SLC38A8: variants seen among roughly 807,000 people sequenced by gnomAD.
SLC38A8 encodes solute carrier family 38 member 8, also known as amino acid transporter SLC38A8.
Under a neutral mutation model 46.0 loss-of-function variants are expected in SLC38A8, and 65 were observed. The observed-to-expected ratio is 1.41, with a 90% CI of 1.16 to 1.74. The LOEUF is 1.74. Among genes scored for constraint, SLC38A8 ranks in the 40% most tolerant of loss-of-function variants. SLC38A8 has a pLI of 0.00. For synonymous variants in SLC38A8, 447 were observed against 243.7 expected (o/e 1.83, Z -7.77); for missense variants, 998 against 567.9 (o/e 1.76, Z -7.70).
intron 6 of SLC38A8, among the ~76,000 whole-genome samples, chr16:84,024,059 G>T (rs146934225): frequency 2.6e-5 from 4 of 152,228 alleles, no homozygotes; most frequent in African/African-American, 4.8e-5. Context: ...TGGGGGTGTT[G>T]TGCAGTGTCC....
intron 9 of SLC38A8, among the ~76,000 whole-genome samples, chr16:84,015,474 T>A (rs1388492400): frequency 6.6e-6 from 1 of 152,034 alleles, no homozygotes; most frequent in Non-Finnish European, 1.5e-5. Flanking sequence ...ACGATTTTCT[T>A]TTTTTAATAA....
intron 9 of SLC38A8, among the ~76,000 whole-genome samples, chr16:84,015,597 C>G (rs775283541): frequency 7.2e-5 from 11 of 151,892 alleles, no homozygotes; most frequent in Non-Finnish European, 1.5e-4. Context: ...GGGCCTCGGT[C>G]TTCGCATCTA....
At chr16:84,022,275 G>A (rs1237298742) in intron 7 of SLC38A8, among the ~76,000 whole-genome samples, 1 of 152,238 alleles carries the variant, frequency 6.6e-6, no homozygotes, top group Non-Finnish European at 1.5e-5. Flanking sequence ...ACCTGGGACT[G>A]TCCTTCCAAT....
chr16:84,024,483 T>C (rs1356023951), intron 6 of SLC38A8, among the ~76,000 whole-genome samples: 1 of 151,824 alleles, frequency 6.6e-6, no homozygotes, highest in Non-Finnish European at 1.5e-5. Context: ...CCAAGGGGGA[T>C]AAGAATTTTA....
chr16:84,030,399 G>C (rs578097705), intron 5 of SLC38A8, among the ~76,000 whole-genome samples: 1 of 152,086 alleles, frequency 6.6e-6, no homozygotes. Context: ...CACCGGCTCA[G>C]TGTACAGATC....
rs191100538 is a variant in SLC38A8 at position 84,020,689 on chromosome 16, T to C, written c.805+2086A>G. On this transcript the variant is annotated intron_variant, in intron 7 of 10. Coordinates refer to ENST00000299709, the MANE Select transcript of SLC38A8 (RefSeq NM_001080442.3). Reference sequence around the variant, plus strand: ...CGTAGGATAGCCTGTGGAGGCACCCTGGGTCTGTCCCCAAAACCATCCTGC... The same window carrying C: ...CGTAGGATAGCCTGTGGAGGCACCCCGGGTCTGTCCCCAAAACCATCCTGC... Among the ~76,000 whole-genome samples the C allele has an allele frequency of 3.3e-3, 509 of 152,294 alleles. 7 individuals carry two copies. The highest frequency in any genetic ancestry group is 0.012 in the African/African-American group (496 of 41,576).
intron 3 of SLC38A8, among the ~76,000 whole-genome samples, chr16:84,035,826 C>T (rs78110848): frequency 0.057 from 8,743 of 152,316 alleles, 368 homozygotes; most frequent in Non-Finnish European, 0.088. Context: ...AATCTGCAAT[C>T]GCAGCTGGCG....
chr16:84,025,829 C>T (rs891160701), intron 6 of SLC38A8, among the ~76,000 whole-genome samples: 6 of 152,360 alleles, frequency 3.9e-5, no homozygotes, highest in Middle Eastern at 3.4e-3. Context: ...CTTCCGCTGG[C>T]GCGTTGACCT....
intron 9 of SLC38A8, 57 bp from the exon 10 acceptor site, chr16:84,013,109 A>G (rs2084973901): frequency 6.2e-7 from 1 of 1,606,454 alleles, no homozygotes; most frequent in Non-Finnish European, 8.5e-7. Context: ...AAGCAACAAA[A>G]AGGTCCCGGG....
intron 9 of SLC38A8, among the ~76,000 whole-genome samples, chr16:84,015,784 C>G (rs1035255052): frequency 6.6e-6 from 1 of 152,192 alleles, no homozygotes; most frequent in African/African-American, 2.4e-5. Flanking sequence ...TGGCTCCCTG[C>G]AACCTCCGCC....
intron 7 of SLC38A8, among the ~76,000 whole-genome samples, chr16:84,020,414 C>G (rs1041269663): frequency 6.6e-6 from 1 of 152,180 alleles, no homozygotes; most frequent in African/African-American, 2.4e-5. Context: ...CCAAAAAATG[C>G]TGGGATTACA....
chr16:84,017,055 C>A (rs534634085), intron 8 of SLC38A8, 85 bp downstream of exon 8: 7 of 1,543,962 alleles, frequency 4.5e-6, no homozygotes, highest in Non-Finnish European at 6.1e-6. Flanking sequence ...CCCACAGCCG[C>A]GTAGCCCACA....
At chr16:84,040,043 C>G (rs575663809) in intron 2 of SLC38A8, 1 of 152,270 alleles carries the variant, frequency 6.6e-6, no homozygotes, top group Non-Finnish European at 1.5e-5. Context: ...AGACTGTTTT[C>G]ATCAAATGGC....
At chr16:84,034,554 G>A (rs976780400) in intron 3 of SLC38A8, among the ~76,000 whole-genome samples, 5 of 152,222 alleles carry the variant, frequency 3.3e-5, no homozygotes, top group Admixed American at 6.5e-5. Flanking sequence ...AGCTTGAGAT[G>A]TCTTCGCTCC....
chr16:84,033,567 A>C (rs1597274256), intron 3 of SLC38A8, 98 bp from the exon 4 acceptor site: 3 of 1,382,194 alleles, frequency 2.2e-6, no homozygotes, highest in Admixed American at 2.7e-5. Context: ...TTGGACATCC[A>C]CCCTCAGCCA....
At chr16:84,034,666 C>T (rs909984860) in intron 3 of SLC38A8, among the ~76,000 whole-genome samples, 1 of 152,148 alleles carries the variant, frequency 6.6e-6, no homozygotes, top group Non-Finnish European at 1.5e-5. Flanking sequence ...ATAGCTCAAG[C>T]GTACGAAATG....
intron 7 of SLC38A8, among the ~76,000 whole-genome samples, chr16:84,017,533 T>G (rs2085045137): frequency 6.6e-6 from 1 of 152,204 alleles, no homozygotes; most frequent in Non-Finnish European, 1.5e-5. Flanking sequence ...ACAGAGCTGG[T>G]GCACGGAGCT....
intron 3 of SLC38A8, among the ~76,000 whole-genome samples, chr16:84,033,813 C>G (rs1024345252): frequency 7.9e-5 from 12 of 152,154 alleles, no homozygotes; most frequent in Non-Finnish European, 1.5e-5. Flanking sequence ...TCAATAGTAT[C>G]TGGAGTCAAA....
chr16:84,038,732 C>A lies in SLC38A8; in HGVS notation c.190-1832G>T, dbSNP rs1029034989. On this transcript the variant is annotated intron_variant, in intron 2 of 10. Transcript: ENST00000299709. ...CACGAGTCCCACTTCTGTCTCCCTC[C>A]CATCCCCAGAAGAAACCACCGGTCT... Among the ~76,000 whole-genome samples the A allele has an allele frequency of 2.4e-4, 37 of 152,196 alleles. 1 individual carries two copies. The highest frequency in any genetic ancestry group is 2.3e-3 in the Admixed American group (35 of 15,288).
Sources: allele counts gnomAD v4.1 joint callset (sites outside exome capture counted in the v4.1 genomes callset), GRCh38; gene constraint gnomAD v4.1.1; transcripts MANE v1.5; gene names NCBI Gene and HGNC (gene_info 2026-07-23, HGNC 2026-07-21).